The following FAM184A variants were observed in gnomAD, a reference collection of about 807,000 sequenced individuals.
The protein encoded by FAM184A is family with sequence similarity 184 member A, also known as protein FAM184A.
Under a neutral mutation model 143.8 loss-of-function variants are expected in FAM184A, and 99 were observed. The ratio of observed to expected loss-of-function variants is 0.69; its 90% CI spans 0.58 to 0.81. The LOEUF is 0.81. Among genes scored for constraint, FAM184A ranks in the 40% least tolerant of loss-of-function variants. The pLI is 0.00. For missense variants in FAM184A, 1,217 were observed against 1,310.5 expected, an observed-to-expected ratio of 0.93 and a Z score of 1.10; for synonymous variants, 427 against 446.4, an observed-to-expected ratio of 0.96 and a Z score of 0.55.
intron 4 of FAM184A, among the ~76,000 whole-genome samples, chr6:119,017,250 G>A (rs538889112): frequency 6.6e-6 from 1 of 152,198 alleles, no homozygotes; most frequent in African/African-American, 2.4e-5. Context: ...TGTAATCCCA[G>A]CACTTTGGGA....
chr6:119,112,253 T>G (rs1788952091), intron 1 of FAM184A, among the ~76,000 whole-genome samples: 1 of 152,020 alleles, frequency 6.6e-6, no homozygotes, highest in African/African-American at 2.4e-5. Context: ...TGCCTCAGCC[T>G]CCTCAGTAGC....
chr6:119,056,768 G>A (rs1048005475), intron 1 of FAM184A, among the ~76,000 whole-genome samples: 1 of 152,092 alleles, frequency 6.6e-6, no homozygotes, highest in Non-Finnish European at 1.5e-5. Flanking sequence ...CCACTAGACC[G>A]CTAACCTCCT....
chr6:119,120,423 T>C (rs1789180173), intron 1 of FAM184A, among the ~76,000 whole-genome samples: 1 of 152,258 alleles, frequency 6.6e-6, no homozygotes, highest in Admixed American at 6.5e-5. Flanking sequence ...TTGATGGACC[T>C]TTGAGTTTTT....
chr6:119,051,049 T>C (rs1490460644), intron 1 of FAM184A, among the ~76,000 whole-genome samples: 1 of 152,144 alleles, frequency 6.6e-6, no homozygotes, highest in Non-Finnish European at 1.5e-5. Flanking sequence ...GGTACTAGGC[T>C]TAACACCTGG....
In FAM184A at chr6:119,134,465, A is replaced by C. The variant is rs138085373; in HGVS notation, c.-202+14613T>G. 2.6e-5 allele frequency among the ~76,000 whole-genome samples: 4 copies of C among 152,206 alleles called. No individual in the cohort carries two copies. In the East Asian group the frequency reaches 5.8e-4, roughly 22 times the overall value. ...CCCGAAGTTTGAGACCAGCCTGAGC[A>C]ATGTAGAGAGACCCTACCTCTCCAA... On this transcript the variant is annotated intron_variant, in intron 1 of 16. Transcript: ENST00000352896.
At chr6:119,087,500 C>G (rs1008576640) in intron 1 of FAM184A, among the ~76,000 whole-genome samples, 4 of 152,224 alleles carry the variant, frequency 2.6e-5, no homozygotes, top group Middle Eastern at 3.4e-3. Context: ...GTCAAAACAT[C>G]ACTAATTATA....
At chr6:119,081,657 T>C (rs924449414), upstream of FAM184A, among the ~76,000 whole-genome samples, 2 of 152,312 alleles carry the variant, frequency 1.3e-5, no homozygotes, top group African/African-American at 4.8e-5. Flanking sequence ...CAAGGTTTTA[T>C]TGAGGGGAAG....
intron 1 of FAM184A, among the ~76,000 whole-genome samples, chr6:119,039,621 G>C (rs1476058615): frequency 6.6e-6 from 1 of 152,364 alleles, no homozygotes; most frequent in South Asian, 2.1e-4. Flanking sequence ...GGGTTGAGGA[G>C]AGGGAGGAAG....
intron 5 of FAM184A, among the ~76,000 whole-genome samples, chr6:119,015,497 C>A (rs552004985): frequency 1.3e-5 from 2 of 152,290 alleles, no homozygotes; most frequent in Non-Finnish European, 1.5e-5. Flanking sequence ...TGTACTGGGT[C>A]CCCCAGCAGT....
At chr6:119,073,209 T>C (rs750957162) in intron 1 of FAM184A, among the ~76,000 whole-genome samples, 8 of 152,206 alleles carry the variant, frequency 5.3e-5, no homozygotes, top group African/African-American at 4.8e-5. Flanking sequence ...ACAGTTTTAG[T>C]AGAAGAGCCA....
intron 9 of FAM184A, among the ~76,000 whole-genome samples, chr6:118,994,408 C>T (rs986801311): frequency 5.9e-5 from 9 of 151,562 alleles, no homozygotes; most frequent in African/African-American, 1.7e-4. Flanking sequence ...GAGGGTTGGC[C>T]GGGTGCGGTG....
At chr6:119,062,177 A>T (rs1335567986) in intron 1 of FAM184A, among the ~76,000 whole-genome samples, 1 of 152,206 alleles carries the variant, frequency 6.6e-6, no homozygotes, top group African/African-American at 2.4e-5. Flanking sequence ...TATTTTAAAC[A>T]TCTCTAAGCC....
intron 1 of FAM184A, among the ~76,000 whole-genome samples, chr6:119,108,600 T>C (rs1017981182): frequency 2.0e-5 from 3 of 152,184 alleles, no homozygotes; most frequent in Non-Finnish European, 4.4e-5. Flanking sequence ...TCTCTTCAAA[T>C]TGCAGGGAGT....
Position 119,070,399 on chromosome 6 carries a change from C to T in FAM184A, c.159+7742G>A, listed in dbSNP as rs561948099. On this transcript the variant is annotated intron_variant, in intron 1 of 17. Transcript: ENST00000338891. ...CCAAAATACAACTGGCAATCTCCAA[C>T]TTGCAAATATCATTGTTTCAAAAAT... is the stretch of plus-strand genomic sequence containing the variant. Among the ~76,000 whole-genome samples the T allele has an allele frequency of 2.0e-5, 3 of 152,252 alleles. No individual in the cohort carries two copies. In the South Asian group the frequency reaches 6.2e-4, roughly 32 times the overall value.
At chr6:119,000,498 G>GA (rs1784720300) in intron 9 of FAM184A, among the ~76,000 whole-genome samples, 2 of 152,130 alleles carry the variant, frequency 1.3e-5, no homozygotes, top group Admixed American at 1.3e-4. Context: ...TCCATGAAGT[G>GA]AAAAACATCT....
intron 9 of FAM184A, among the ~76,000 whole-genome samples, chr6:118,999,926 T>C (rs1784695335): frequency 6.6e-6 from 1 of 152,202 alleles, no homozygotes; most frequent in Non-Finnish European, 1.5e-5. Context: ...TACTGCACAG[T>C]GACTTTTAAG....
rs577634766 is a variant in FAM184A, at chr6:118,962,563, AAGAG to A, written c.3139-604_3139-601del. 2.3e-3 allele frequency: 355 copies of A among 152,794 alleles called. 2 individuals carry two copies. The highest frequency in any genetic ancestry group is 7.7e-3 in the Admixed American group (119 of 15,384). 9.5% of individuals were successfully genotyped at this position (152,794 alleles called of 1,614,324 possible). On this transcript the variant is annotated intron_variant, in intron 16 of 17. Transcript: ENST00000338891. ...ATTCACTGTGACATCTATCTTTCTG[AAGAG>A]AGAAAGTTATATCTGCATAATTAAG...
At chr6:119,113,271 A>G (rs1246992280) in intron 1 of FAM184A, among the ~76,000 whole-genome samples, 1 of 152,146 alleles carries the variant, frequency 6.6e-6, no homozygotes, top group East Asian at 1.9e-4. Context: ...TCGCTTGCTC[A>G]ACCTGCCTCC....
chr6:119,012,848 T>C (rs781700692), intron 5 of FAM184A, among the ~76,000 whole-genome samples: 9 of 152,200 alleles, frequency 5.9e-5, no homozygotes, highest in Admixed American at 1.3e-4. Context: ...AAGCCTCCTA[T>C]GTTAACAGTT....
Sources: gnomAD v4.1 joint callset for allele counts (sites outside exome capture counted in the v4.1 genomes callset) on GRCh38, gnomAD v4.1.1 for gene constraint, MANE v1.5 for transcripts, NCBI Gene and HGNC (gene_info 2026-07-23, HGNC 2026-07-21) for gene names.